Variants in CACNA2D1 observed in about 807,000 individuals in gnomAD.
The protein encoded by CACNA2D1 is voltage-dependent calcium channel subunit alpha-2/delta-1.
In CACNA2D1, 53 loss-of-function variants were observed where a neutral mutation model predicts 171.5. The ratio of observed to expected loss-of-function variants is 0.31; its 90% CI spans 0.25 to 0.39. CACNA2D1 has a LOEUF of 0.39. Ranked by LOEUF, CACNA2D1 falls within the 10% of genes least tolerant of loss-of-function variation. The pLI is 1.00. For missense variants in CACNA2D1, 903 were observed against 1,299.8 expected, an observed-to-expected ratio of 0.69 and a Z score of 4.69; for synonymous variants, 442 against 443.1, an observed-to-expected ratio of 1.00 and a Z score of 0.03.
intron 4 of CACNA2D1, among the ~76,000 whole-genome samples, chr7:82,154,638 C>A: frequency 6.6e-6 from 1 of 151,966 alleles, no homozygotes; most frequent in East Asian, 1.9e-4. Flanking sequence ...TACATGCTCA[C>A]GTAAATATTG....
In CACNA2D1 at chr7:81,994,898, T is replaced by A. The variant is rs769358860; in HGVS notation, c.1704A>T (p.Thr568=). 1 of 1,541,566 alleles carries A rather than the reference T, an allele frequency of 6.5e-7. No individual in the cohort carries two copies. The change falls in exon 20 of 39, where the codon ACA becomes ACT. Residue 568 remains threonine, a synonymous_variant. Coordinates refer to ENST00000356860, the MANE Select transcript of CACNA2D1 (RefSeq NM_000722.4). ...KMIDGESGEK[T]FRTLVKSQDE... ...CTTGAGATTTAACCAGAGTTCTGAA[T>A]GTTTTTTCTCCACTTTCCCCATCAA...
chr7:82,275,647 T>G (rs1231117451), intron 3 of CACNA2D1, among the ~76,000 whole-genome samples: 1 of 152,048 alleles, frequency 6.6e-6, no homozygotes. Flanking sequence ...GTAATTACTT[T>G]CCACAAGCAA....
At chr7:82,126,539 T>G (rs968189791) in intron 5 of CACNA2D1, among the ~76,000 whole-genome samples, 1 of 152,200 alleles carries the variant, frequency 6.6e-6, no homozygotes, top group Non-Finnish European at 1.5e-5. Flanking sequence ...ATATGTAGAA[T>G]AAGAAAGTGA....
rs116925810 is a variant in CACNA2D1, at chr7:82,243,142, G to C, written c.295-72533C>G. 3.6e-3 allele frequency among the ~76,000 whole-genome samples: 544 copies of C among 152,130 alleles called. 1 individual carries two copies. The highest frequency in any genetic ancestry group is 6.8e-3 in the Middle Eastern group (2 of 294). On this transcript the variant is annotated intron_variant, in intron 3 of 38. Transcript: ENST00000356860. ...TTAAACTGAACTGTTCTGATATTTT[G>C]TTTTATAATGAAACCAAGCCTTTAA...
rs372158300 is a variant in CACNA2D1, at chr7:81,961,994, A to G, written c.2866T>C (p.Ser956Pro). The G allele has an allele frequency of 3.7e-6, 6 of 1,612,448 alleles. No homozygotes were observed. The South Asian group carries it at 6.6e-5, about 18-fold the overall frequency. ...GTAATGCAGCTCTGCTTGGACAGGGAGGCCGTGAAGTCATCATCCTCCATC... is the reference window on the plus strand; with the variant it reads ...GTAATGCAGCTCTGCTTGGACAGGGGGGCCGTGAAGTCATCATCCTCCATC... ...VEMEDDDFTA[S>P]LSKQSCITEQ... The change falls in exon 36 of 39, where the codon TCC (serine) becomes CCC (proline). Residue 956 changes from serine (S) to proline (P), a missense_variant. Around this residue, in one of 5 missense-constraint regions of CACNA2D1, gnomAD observed 623 missense variants for 925.5 expected, o/e 0.67. Coordinates refer to ENST00000356860, the MANE Select transcript of CACNA2D1 (RefSeq NM_000722.4).
At chr7:82,135,875 T>C (rs1250473579) in intron 5 of CACNA2D1, among the ~76,000 whole-genome samples, 1 of 152,154 alleles carries the variant, frequency 6.6e-6, no homozygotes, top group Non-Finnish European at 1.5e-5. Context: ...AACTAAAATA[T>C]AGGATGAGCT....
chr7:82,112,544 A>C (rs1322900406), intron 6 of CACNA2D1, among the ~76,000 whole-genome samples: 2 of 152,180 alleles, frequency 1.3e-5, no homozygotes, highest in Non-Finnish European at 2.9e-5. Flanking sequence ...AAACACCTTA[A>C]AGAAGCATTG....
intron 1 of CACNA2D1, among the ~76,000 whole-genome samples, chr7:82,401,903 A>G (rs2129451902): frequency 6.6e-6 from 1 of 152,312 alleles, no homozygotes. Flanking sequence ...ATTTACATGC[A>G]TAAGAAAAAA....
At chr7:82,105,555 G>A (rs1325249123) in intron 6 of CACNA2D1, among the ~76,000 whole-genome samples, 1 of 151,514 alleles carries the variant, frequency 6.6e-6, no homozygotes, top group South Asian at 2.1e-4. Flanking sequence ...GCCATTTTGA[G>A]TATAAATAAT....
intron 38 of CACNA2D1, among the ~76,000 whole-genome samples, chr7:81,956,595 C>T (rs1237302243): frequency 2.0e-5 from 3 of 152,052 alleles, no homozygotes; most frequent in Non-Finnish European, 2.9e-5. Context: ...GCGTCTTTTG[C>T]CATGAAAACT....
chr7:82,242,732 A>G (rs1490957476), intron 3 of CACNA2D1, among the ~76,000 whole-genome samples: 1 of 152,122 alleles, frequency 6.6e-6, no homozygotes, highest in Non-Finnish European at 1.5e-5. Context: ...GAGTCACTGC[A>G]TTGATTTTTT....
intron 10 of CACNA2D1, among the ~76,000 whole-genome samples, chr7:82,043,203 C>T (rs769901479): frequency 6.6e-6 from 1 of 152,154 alleles, no homozygotes; most frequent in African/African-American, 2.4e-5. Context: ...CATCTTAGCT[C>T]TGCAATATGT....
At chr7:82,443,304 C>A (rs1830651117) in intron 1 of CACNA2D1, 61 bp downstream of exon 1, 2 of 1,523,894 alleles carry the variant, frequency 1.3e-6, no homozygotes, top group Non-Finnish European at 1.8e-6. Context: ...GGAACCGACC[C>A]CCACCCCCAA....
At chr7:81,988,526 A>C (rs536165026) in intron 21 of CACNA2D1, among the ~76,000 whole-genome samples, 1 of 152,278 alleles carries the variant, frequency 6.6e-6, no homozygotes, top group East Asian at 1.9e-4. Flanking sequence ...ATAAAAGCTT[A>C]TGTGTATGTT....
At chr7:81,956,703 C>T (rs1468376179) in intron 38 of CACNA2D1, among the ~76,000 whole-genome samples, 5 of 152,088 alleles carry the variant, frequency 3.3e-5, no homozygotes, top group Non-Finnish European at 5.9e-5. Flanking sequence ...GAATTCACTC[C>T]ATTCATAGTA....
intron 4 of CACNA2D1, among the ~76,000 whole-genome samples, chr7:82,140,396 A>G (rs944797415): frequency 6.6e-6 from 1 of 152,146 alleles, no homozygotes; most frequent in South Asian, 2.1e-4. Context: ...TTTCTTTCCC[A>G]AACCCCAAAT....
At position 81,962,041 on chromosome 7, in the gene CACNA2D1, G is replaced by A. The variant is rs370496790; in HGVS notation, c.2837-18C>T. On this transcript the variant is annotated intron_variant, in intron 35 of 38. Transcript: ENST00000356860. The stretch of plus-strand genomic sequence containing the variant: ...CATCTCAACTTGGGTGGCGGGGGAC[G>A]GTGTAAAAACAAAGAACACCATTAG... The A allele has an allele frequency of 7.1e-5, 114 of 1,611,402 alleles. No individual in the cohort carries two copies. Among genetic ancestry groups the A allele is most frequent in the Middle Eastern group, 6.6e-4 (4 of 6,058 alleles).
intron 3 of CACNA2D1, among the ~76,000 whole-genome samples, chr7:82,211,361 A>G (rs942246232): frequency 2.0e-5 from 3 of 151,914 alleles, no homozygotes; most frequent in African/African-American, 7.3e-5. Flanking sequence ...CCCTTCCCCC[A>G]CCCTCCACCC....
chr7:82,011,148 T>C, intron 15 of CACNA2D1, among the ~76,000 whole-genome samples: 1 of 152,162 alleles, frequency 6.6e-6, no homozygotes, highest in Non-Finnish European at 1.5e-5. Context: ...TACAGGATTG[T>C]TTAACAGCGT....
Sources: allele counts gnomAD v4.1 joint callset (sites outside exome capture counted in the v4.1 genomes callset), GRCh38; gene constraint gnomAD v4.1.1; regional missense constraint gnomAD v4.1.1; transcripts MANE v1.5; gene names NCBI Gene and HGNC (gene_info 2026-07-23, HGNC 2026-07-21).